EXD3: variants seen among roughly 807,000 people sequenced by gnomAD.
The protein encoded by EXD3 is exonuclease 3'-5' domain containing 3.
EXD3 carries 92 observed loss-of-function variants against 98.0 expected under a neutral mutation model. The observed-to-expected ratio is 0.94, with a 90% CI of 0.79 to 1.12. EXD3 has a LOEUF of 1.12. Ranked by LOEUF, EXD3 falls within the 50% of genes most tolerant of loss-of-function variation. The pLI is 0.00. For synonymous variants in EXD3, 569 were observed against 526.0 expected (o/e 1.08, Z -1.12); for missense variants, 1,222 against 1,191.6 (o/e 1.03, Z -0.38).
chr9:137,352,246 CA>C, intron 11 of EXD3, 45 bp from the exon 12 acceptor site: 1 of 1,609,882 alleles, frequency 6.2e-7, no homozygotes, highest in Non-Finnish European at 8.5e-7. Flanking sequence ...CCTGGTCCCC[CA>C]CCCACTCTGA....
rs147074846 is a variant in EXD3, at chr9:137,367,248, C to T, written c.517-616G>A. Among the ~76,000 whole-genome samples, 381 of 152,312 alleles carry T rather than the reference C, an allele frequency of 2.5e-3. 2 individuals carry two copies. The highest frequency in any genetic ancestry group is 5.4e-3 in the South Asian group (26 of 4,832). On this transcript the variant is annotated intron_variant, in intron 6 of 21. Transcript: ENST00000340951. ...CTTGGGGGACAGTCCTCGGGCAGAA[C>T]GCGAAGCCCCAAGAGCCCTCTCTGG...
At position 137,395,894 on chromosome 9, in the gene EXD3, C is replaced by T. The variant is rs867521941; in HGVS notation, c.-47-490G>A. The stretch of plus-strand genomic sequence containing the variant: ...GTACGCAGCTCCGTAAGACTCCAGG[C>T]GGCCGCTGACAGCTCTCATCCCAGG... On this transcript the variant is annotated intron_variant, in intron 1 of 21. Coordinates refer to ENST00000340951, the MANE Select transcript of EXD3 (RefSeq NM_017820.5). The surrounding 1 kb of genome is among the most constrained non-coding windows in gnomAD (Gnocchi z 6.5). 6.6e-6 allele frequency among the ~76,000 whole-genome samples: 1 copy of T among 152,202 alleles called. No homozygotes were observed. The highest frequency in any genetic ancestry group is 6.5e-5 in the Admixed American group (1 of 15,294).
chr9:137,372,425 A>AGC (rs779508020), intron 5 of EXD3, among the ~76,000 whole-genome samples: 1 of 152,208 alleles, frequency 6.6e-6, no homozygotes, highest in Admixed American at 6.5e-5. Flanking sequence ...CCCCTCTGGG[A>AGC]GCGTTTCCTT....
chr9:137,312,254 G>GGGCA (rs1031355720), intron 19 of EXD3, among the ~76,000 whole-genome samples: 4 of 152,268 alleles, frequency 2.6e-5, no homozygotes, highest in South Asian at 4.1e-4. Context: ...GAGAGCCCGA[G>GGGCA]GGCAGGCAGC....
At chr9:137,340,147 G>A (rs1425634380) in intron 17 of EXD3, among the ~76,000 whole-genome samples, 1 of 152,196 alleles carries the variant, frequency 6.6e-6, no homozygotes, top group Non-Finnish European at 1.5e-5. Flanking sequence ...TGAAATCTAA[G>A]AAAAGACATG....
chr9:137,356,365 C>A lies in EXD3; in HGVS notation c.660G>T (p.Arg220=). ...GGCTCAAGGAGGTCACCTCAGGGTA[C>A]CGTCTGTGGGGAGAGAGAGGCACAG... ...PGFDIKDVAR[R]YPEVTSLSLE... Residue 220 remains arginine (R), a synonymous_variant, in exon 8 of 22, where the codon CGG becomes CGT. Coordinates refer to ENST00000340951, the MANE Select transcript of EXD3 (RefSeq NM_017820.5). The A allele has an allele frequency of 6.3e-7, 1 of 1,593,106 alleles. No individual in the cohort carries two copies. Among genetic ancestry groups the A allele is most frequent in the African/African-American group, 1.3e-5 (1 of 74,588 alleles).
rs976458027 is a variant in EXD3, at chr9:137,307,272, A to G, written c.2318-9T>C. 4.7e-6 allele frequency: 7 copies of G among 1,492,764 alleles called. No homozygotes were observed. In the African/African-American group the frequency reaches 9.8e-5, roughly 21 times the overall value. 92.5% of individuals were successfully genotyped at this position (1,492,764 alleles called of 1,614,324 possible). Reference sequence around the variant, plus strand: ...TGCGTCTGGGGCTGGGCCTGGACAGATAGAAGTGGACTCCCTGAGCCCTCA... The same window carrying G: ...TGCGTCTGGGGCTGGGCCTGGACAGGTAGAAGTGGACTCCCTGAGCCCTCA... On this transcript the variant is annotated splice_polypyrimidine_tract_variant and intron_variant, in intron 21 of 21. Transcript: ENST00000340951.
At chr9:137,420,860 G>C (rs1201252071) in intron 1 of EXD3, among the ~76,000 whole-genome samples, 1 of 151,764 alleles carries the variant, frequency 6.6e-6, no homozygotes, top group Non-Finnish European at 1.5e-5. Context: ...TGTCACCCAG[G>C]CTGGAGTGCA....
intron 1 of EXD3, among the ~76,000 whole-genome samples, chr9:137,417,351 G>A (rs183560952): frequency 3.3e-5 from 5 of 152,326 alleles, no homozygotes; most frequent in Admixed American, 2.6e-4. Context: ...GCCAGGAAGC[G>A]AGCGCGCCCG....
intron 19 of EXD3, among the ~76,000 whole-genome samples, chr9:137,317,875 C>T (rs1028667351): frequency 2.0e-5 from 3 of 152,192 alleles, no homozygotes; most frequent in African/African-American, 7.2e-5. Flanking sequence ...GCCCCTACCG[C>T]CACCTTAGGA....
chr9:137,394,754 A>T (rs376828269), intron 2 of EXD3, among the ~76,000 whole-genome samples: 1 of 152,198 alleles, frequency 6.6e-6, no homozygotes, highest in East Asian at 1.9e-4. Context: ...GGTGCCTCTC[A>T]TTTCTCTTTT....
rs1321361009 is a variant in EXD3, at chr9:137,371,073, A to G, written c.462+1832T>C. On this transcript the variant is annotated intron_variant, in intron 5 of 21. Transcript: ENST00000340951. The surrounding 1 kb of genome is among the most constrained non-coding windows in gnomAD (Gnocchi z 8.0). ...GCTCGGGGACAATGGCTTTCTTCGC[A>G]GAAGGGGCCTGTGCGGGACAAGACC... 6.6e-6 allele frequency among the ~76,000 whole-genome samples: 1 copy of G among 152,182 alleles called. No individual in the cohort carries two copies. The highest frequency in any genetic ancestry group is 1.5e-5 in the Non-Finnish European group (1 of 68,024).
At chr9:137,354,984 T>C (rs1391386001) in intron 8 of EXD3, among the ~76,000 whole-genome samples, 1 of 152,092 alleles carries the variant, frequency 6.6e-6, no homozygotes, top group Non-Finnish European at 1.5e-5. Flanking sequence ...GGGGTCTCCC[T>C]TGCACTTGTG....
rs9695760 is a variant in EXD3, at chr9:137,371,564, G to C, written c.462+1341C>G. 0.84 allele frequency among the ~76,000 whole-genome samples: 127,041 copies of C among 151,902 alleles called. 53,286 individuals carry two copies. Among genetic ancestry groups the C allele is most frequent in the South Asian group, 0.91 (4,408 of 4,818 alleles). On this transcript the variant is annotated intron_variant, in intron 5 of 21. Coordinates refer to ENST00000340951, the MANE Select transcript of EXD3 (RefSeq NM_017820.5). This position sits in a 1 kb window ranked among gnomAD's most constrained non-coding sequence, Gnocchi z 8.0. Reference sequence around the variant, plus strand: ...CACGTGGGCAGGCAGCGGGGTGGTGGCCTTCACGCTCGGCCCTGAAGTAAG... The same window carrying C: ...CACGTGGGCAGGCAGCGGGGTGGTGCCCTTCACGCTCGGCCCTGAAGTAAG...
chr9:137,351,689 T>A (rs1280792559), intron 12 of EXD3, among the ~76,000 whole-genome samples, 161 bp from the exon 13 acceptor site: 1 of 152,228 alleles, frequency 6.6e-6, no homozygotes, highest in East Asian at 1.9e-4. Flanking sequence ...CACTAAGGCC[T>A]GTGCTCCAGC....
chr9:137,398,405 C>T (rs987443752), intron 1 of EXD3, among the ~76,000 whole-genome samples: 2 of 152,212 alleles, frequency 1.3e-5, no homozygotes, highest in African/African-American at 4.8e-5. Flanking sequence ...AAGTTCACCT[C>T]CTAGTTCTAA....
At chr9:137,330,362 G>GCTACACAGGAGCTACACAGGA in intron 17 of EXD3, among the ~76,000 whole-genome samples, 1 of 112,500 alleles carries the variant, frequency 8.9e-6, no homozygotes, top group Non-Finnish European at 1.8e-5. Context: ...CTACACAGGA[G>GCTACACAGGAGCTACACAGGA]CTACACAGGA....
At chr9:137,328,146 C>CCACATAAT (rs1832581914) in intron 17 of EXD3, among the ~76,000 whole-genome samples, 2 of 144,120 alleles carry the variant, frequency 1.4e-5, no homozygotes, top group African/African-American at 5.1e-5. Flanking sequence ...GAATAAACAC[C>CCACATAAT]GACATGATGA....
intron 3 of EXD3, chr9:137,374,510 A>G (rs1215367496): frequency 6.2e-6 from 6 of 972,192 alleles, no homozygotes; most frequent in Non-Finnish European, 1.2e-6. Context: ...CAGCTTTGAA[A>G]GCACTTGCTC....
Sources: allele counts gnomAD v4.1 joint callset (sites outside exome capture counted in the v4.1 genomes callset), GRCh38; gene constraint gnomAD v4.1.1; non-coding constraint Gnocchi (gnomAD v3.1); transcripts MANE v1.5; gene names NCBI Gene and HGNC (gene_info 2026-07-23, HGNC 2026-07-21).